The following ATP8A2 variants were observed in gnomAD, a reference collection of about 807,000 sequenced individuals.
The protein encoded by ATP8A2 is phospholipid-transporting ATPase IB.
ATP8A2 carries 100 observed loss-of-function variants against 165.6 expected under a neutral mutation model. The observed-to-expected ratio is 0.60, with a 90% CI of 0.51 to 0.71. The LOEUF is 0.71. Ranked by LOEUF, ATP8A2 falls within the 30% of genes least tolerant of loss-of-function variation. ATP8A2 has a pLI of 0.00. For missense variants in ATP8A2, 1,227 were observed against 1,479.5 expected (o/e 0.83, Z 2.80); for synonymous variants, 543 against 548.8 (o/e 0.99, Z 0.15).
chr13:25,836,735 G>C (rs554395995), intron 28 of ATP8A2, among the ~76,000 whole-genome samples: 1 of 152,128 alleles, frequency 6.6e-6, no homozygotes, highest in African/African-American at 2.4e-5. Context: ...AATGTCTGTT[G>C]AATGAATAAA....
At chr13:25,901,226 G>A (rs544932682) in intron 33 of ATP8A2, among the ~76,000 whole-genome samples, 4 of 152,276 alleles carry the variant, frequency 2.6e-5, no homozygotes, top group East Asian at 1.9e-4. Flanking sequence ...GGAAGGGGCC[G>A]ATGAATAGTG....
chr13:25,902,392 C>T (rs757149515), intron 33 of ATP8A2, among the ~76,000 whole-genome samples: 2 of 152,016 alleles, frequency 1.3e-5, no homozygotes, highest in Admixed American at 6.6e-5. Flanking sequence ...GTCCAAATGA[C>T]GGGTGTTTTT....
chr13:25,839,690 AC>A, intron 30 of ATP8A2, 66 bp downstream of exon 30: 1 of 1,386,228 alleles, frequency 7.2e-7, no homozygotes, highest in Admixed American at 1.7e-5. Context: ...CTGTGTGTTC[AC>A]AATTTTTTTT....
chr13:25,866,178 C>T (rs1028808073), intron 33 of ATP8A2, among the ~76,000 whole-genome samples: 3 of 152,248 alleles, frequency 2.0e-5, no homozygotes, highest in African/African-American at 7.2e-5. Context: ...GAGGGAATGC[C>T]ATCTTACTTG....
At chr13:25,941,840 G>A (rs139941467) in intron 33 of ATP8A2, among the ~76,000 whole-genome samples, 175 of 152,216 alleles carry the variant, frequency 1.1e-3, no homozygotes, top group Non-Finnish European at 2.1e-3. Context: ...ATATTAACAT[G>A]CCATTTGCTT....
At chr13:25,811,300 A>G (rs908215922) in intron 27 of ATP8A2, among the ~76,000 whole-genome samples, 4 of 152,336 alleles carry the variant, frequency 2.6e-5, no homozygotes, top group Admixed American at 6.5e-5. Context: ...CCAAATGTCA[A>G]TGTAGAAATG....
intron 2 of ATP8A2, among the ~76,000 whole-genome samples, chr13:25,490,423 C>A (rs921656309): frequency 6.6e-6 from 1 of 152,198 alleles, no homozygotes; most frequent in African/African-American, 2.4e-5. Context: ...CCAGGAGCCT[C>A]AGATGTGAGG....
chr13:25,786,335 G>C (rs532144034), intron 27 of ATP8A2, among the ~76,000 whole-genome samples: 1 of 152,250 alleles, frequency 6.6e-6, no homozygotes, highest in South Asian at 2.1e-4. Flanking sequence ...ACTATTTAAA[G>C]ATGGATCAAG....
chr13:25,452,709 T>C (rs931401776), intron 1 of ATP8A2, among the ~76,000 whole-genome samples: 4 of 152,192 alleles, frequency 2.6e-5, no homozygotes, highest in African/African-American at 7.2e-5. Context: ...CTGAATTAAG[T>C]AGGTAAGGTT....
intron 33 of ATP8A2, among the ~76,000 whole-genome samples, chr13:25,948,201 A>G (rs141476925): frequency 2.6e-5 from 4 of 152,016 alleles, no homozygotes; most frequent in African/African-American, 9.6e-5. Flanking sequence ...CCTTCTCCTG[A>G]CAGCAGGAGC....
At chr13:25,693,661 A>C (rs1314102376) in intron 24 of ATP8A2, among the ~76,000 whole-genome samples, 1 of 106,508 alleles carries the variant, frequency 9.4e-6, no homozygotes, top group Non-Finnish European at 2.0e-5. Flanking sequence ...GACATCCCTC[A>C]GATCTCTCTG....
chr13:25,480,269 G>T (rs550164426), intron 2 of ATP8A2, among the ~76,000 whole-genome samples: 1 of 143,700 alleles, frequency 7.0e-6, no homozygotes, highest in Non-Finnish European at 1.5e-5. Flanking sequence ...CTTACCTCCC[G>T]GACGGGGCGG....
chr13:25,913,140 A>G (rs1485022075), intron 33 of ATP8A2, among the ~76,000 whole-genome samples: 2 of 152,232 alleles, frequency 1.3e-5, no homozygotes, highest in Non-Finnish European at 2.9e-5. Flanking sequence ...AGTACTGGAT[A>G]GGCCATCTGT....
chr13:25,512,912 T>A (rs1220211567), intron 2 of ATP8A2, among the ~76,000 whole-genome samples: 3 of 133,994 alleles, frequency 2.2e-5, no homozygotes, highest in Non-Finnish European at 4.8e-5. Context: ...GGCGGGGGGC[T>A]GACCCCCCCA....
At chr13:25,473,172 T>G (rs2035895494) in intron 2 of ATP8A2, among the ~76,000 whole-genome samples, 1 of 152,206 alleles carries the variant, frequency 6.6e-6, no homozygotes, top group Non-Finnish European at 1.5e-5. Context: ...CTTGAATTTT[T>G]GGGAGGGACT....
At chr13:25,403,680 A>G (rs1231703718) in intron 1 of ATP8A2, among the ~76,000 whole-genome samples, 1 of 152,228 alleles carries the variant, frequency 6.6e-6, no homozygotes, top group Non-Finnish European at 1.5e-5. Context: ...AGAACACAAT[A>G]GGAACATATG....
At chr13:25,435,243 C>T (rs1264598245) in intron 1 of ATP8A2, among the ~76,000 whole-genome samples, 1 of 151,812 alleles carries the variant, frequency 6.6e-6, no homozygotes, top group Non-Finnish European at 1.5e-5. Flanking sequence ...GCCTCAACCT[C>T]CCAAGTAGCT....
At chr13:25,801,063 A>G in intron 27 of ATP8A2, among the ~76,000 whole-genome samples, 1 of 152,170 alleles carries the variant, frequency 6.6e-6, no homozygotes, top group East Asian at 1.9e-4. Flanking sequence ...GTAGGAAAAC[A>G]TCGGGTTATT....
intron 33 of ATP8A2, among the ~76,000 whole-genome samples, chr13:25,938,690 T>A (rs570956657): frequency 6.6e-6 from 1 of 152,268 alleles, no homozygotes; most frequent in South Asian, 2.1e-4. Flanking sequence ...CAGGGAGACA[T>A]GCTTTGATTC....
Sources: gnomAD v4.1 joint callset for allele counts (sites outside exome capture counted in the v4.1 genomes callset) on GRCh38, gnomAD v4.1.1 for gene constraint, MANE v1.5 for transcripts, NCBI Gene and HGNC (gene_info 2026-07-23, HGNC 2026-07-21) for gene names.